The following CNTNAP2 variants were observed in gnomAD, a reference collection of about 807,000 sequenced individuals.
CNTNAP2 encodes the protein contactin associated protein 2.
CNTNAP2 carries 98 observed loss-of-function variants against 155.2 expected under a neutral mutation model. That is an observed-to-expected ratio of 0.63 (90% CI 0.54 to 0.75). The LOEUF (loss-of-function observed/expected upper bound fraction) is 0.75, where lower values mean the gene tolerates loss of function less well. Ranked by LOEUF, CNTNAP2 falls within the 30% of genes least tolerant of loss-of-function variation. CNTNAP2 has a pLI of 0.00. For missense variants in CNTNAP2, 1,727 were observed against 1,688.1 expected (o/e 1.02, Z -0.40); for synonymous variants, 651 against 631.2 (o/e 1.03, Z -0.47).
chr7:146,652,613 A>G (rs1252144849), intron 1 of CNTNAP2, among the ~76,000 whole-genome samples: 1 of 152,150 alleles, frequency 6.6e-6, no homozygotes, highest in East Asian at 1.9e-4. Flanking sequence ...GTATTCTTAA[A>G]GGAAGAGAAA....
At chr7:146,799,141 G>A (rs1802829307) in intron 2 of CNTNAP2, among the ~76,000 whole-genome samples, 1 of 152,166 alleles carries the variant, frequency 6.6e-6, no homozygotes, top group Non-Finnish European at 1.5e-5. Context: ...CTCCTTGTAT[G>A]AAATTAAGTA....
At position 148,419,360 on chromosome 7, in the gene CNTNAP2, C is replaced by T. The variant is rs886062073; in HGVS notation, c.*3744C>T. Reference sequence around the variant, plus strand: ...TGATCCTAAACCAGTGCGAAACAAACAGTAACAATGTCCCCAGCTGACTTC... The same window carrying T: ...TGATCCTAAACCAGTGCGAAACAAATAGTAACAATGTCCCCAGCTGACTTC... On this transcript the variant is annotated 3_prime_UTR_variant, in exon 24 of 24. Coordinates refer to ENST00000361727, the MANE Select transcript of CNTNAP2 (RefSeq NM_014141.6). 2 of 152,216 alleles carry T rather than the reference C, an allele frequency of 1.3e-5. No homozygotes were observed. Among genetic ancestry groups the T allele is most frequent in the East Asian group, 1.9e-4 (1 of 5,202 alleles). 9.4% of individuals were successfully genotyped at this position (152,216 alleles called of 1,614,324 possible).
At chr7:146,818,120 C>T (rs1192257480) in intron 2 of CNTNAP2, among the ~76,000 whole-genome samples, 1 of 151,868 alleles carries the variant, frequency 6.6e-6, no homozygotes, top group African/African-American at 2.4e-5. Context: ...AATTTTCTTT[C>T]TTTTCTATTA....
intron 2 of CNTNAP2, among the ~76,000 whole-genome samples, chr7:146,814,422 G>C (rs1039098235): frequency 9.2e-5 from 14 of 151,890 alleles, no homozygotes; most frequent in African/African-American, 3.4e-4. Context: ...TAAATATTAA[G>C]TTAATGGAAA....
At chr7:147,812,602 G>T (rs542497491) in intron 13 of CNTNAP2, among the ~76,000 whole-genome samples, 1 of 151,238 alleles carries the variant, frequency 6.6e-6, no homozygotes, top group Non-Finnish European at 1.5e-5. Flanking sequence ...CACCCTATCC[G>T]TTCAATATCC....
At chr7:147,467,572 C>T (rs114699104) in intron 10 of CNTNAP2, among the ~76,000 whole-genome samples, 2 of 152,142 alleles carry the variant, frequency 1.3e-5, no homozygotes, top group East Asian at 1.9e-4. Flanking sequence ...TCACCTGTTG[C>T]GTACAATGCT....
chr7:147,679,214 G>A (rs1364872911), intron 13 of CNTNAP2, among the ~76,000 whole-genome samples: 2 of 151,642 alleles, frequency 1.3e-5, no homozygotes, highest in Non-Finnish European at 2.9e-5. Flanking sequence ...TAAGGAAAAA[G>A]CTCTCTGAAA....
intron 16 of CNTNAP2, among the ~76,000 whole-genome samples, chr7:148,125,944 CT>C (rs747132692): frequency 3.3e-5 from 5 of 152,032 alleles, no homozygotes; most frequent in Non-Finnish European, 5.9e-5. Context: ...CTCAAGTGAT[CT>C]GCCTGCCTCC....
At chr7:148,204,809 C>G (rs1795422229) in intron 18 of CNTNAP2, among the ~76,000 whole-genome samples, 1 of 152,122 alleles carries the variant, frequency 6.6e-6, no homozygotes, top group Non-Finnish European at 1.5e-5. Flanking sequence ...AGTGTGGGCT[C>G]TGAAGTTCAG....
intron 15 of CNTNAP2, among the ~76,000 whole-genome samples, chr7:148,112,795 TTA>T (rs1287518293): frequency 6.6e-6 from 1 of 152,058 alleles, no homozygotes; most frequent in Non-Finnish European, 1.5e-5. Flanking sequence ...AATTCTCATC[TTA>T]TATTCAGGAA....
intron 17 of CNTNAP2, among the ~76,000 whole-genome samples, chr7:148,162,854 A>G (rs939404899): frequency 1.5e-4 from 23 of 152,242 alleles, no homozygotes; most frequent in Admixed American, 6.5e-4. Flanking sequence ...TTTTTAATTA[A>G]CCAGGCATGG....
At chr7:148,240,276 T>C (rs563082554) in intron 20 of CNTNAP2, among the ~76,000 whole-genome samples, 8 of 152,330 alleles carry the variant, frequency 5.3e-5, no homozygotes, top group African/African-American at 1.9e-4. Context: ...AAGGAGTTTA[T>C]ATTCTGGGAG....
intron 2 of CNTNAP2, among the ~76,000 whole-genome samples, chr7:146,839,223 G>T (rs968485948): frequency 1.3e-5 from 2 of 151,566 alleles, no homozygotes; most frequent in Non-Finnish European, 2.9e-5. Context: ...TGTAAGATTA[G>T]GTTCATTTTA....
At chr7:147,296,073 G>C (rs899280704) in intron 8 of CNTNAP2, among the ~76,000 whole-genome samples, 2 of 152,094 alleles carry the variant, frequency 1.3e-5, no homozygotes, top group Non-Finnish European at 2.9e-5. Flanking sequence ...TCTCTGAAAG[G>C]CTTTCTTGTT....
intron 16 of CNTNAP2, among the ~76,000 whole-genome samples, chr7:148,121,866 T>A (rs1804602650): frequency 6.6e-6 from 1 of 152,200 alleles, no homozygotes; most frequent in South Asian, 2.1e-4. Context: ...TTACTATTCA[T>A]ATTTATTCAT....
intron 4 of CNTNAP2, among the ~76,000 whole-genome samples, chr7:147,080,543 A>ATGATATC (rs1444066476): frequency 2.6e-5 from 4 of 151,666 alleles, no homozygotes; most frequent in Non-Finnish European, 5.9e-5. Flanking sequence ...CAAAAGGCCA[A>ATGATATC]TGATATCCAT....
chr7:147,371,826 T>C (rs972642196), intron 9 of CNTNAP2, among the ~76,000 whole-genome samples: 3 of 152,144 alleles, frequency 2.0e-5, no homozygotes, highest in African/African-American at 7.2e-5. Flanking sequence ...CATTTTGTTA[T>C]GCATTTTAAT....
intron 1 of CNTNAP2, among the ~76,000 whole-genome samples, chr7:146,706,803 A>G (rs928012114): frequency 4.5e-4 from 68 of 152,198 alleles, no homozygotes; most frequent in African/African-American, 1.6e-3. Flanking sequence ...GATCAGGAAA[A>G]ATAACTAATA....
At chr7:147,125,907 G>A (rs1211087557) in intron 6 of CNTNAP2, among the ~76,000 whole-genome samples, 1 of 152,142 alleles carries the variant, frequency 6.6e-6, no homozygotes, top group East Asian at 1.9e-4. Context: ...GAGGCAAATG[G>A]CTGCTCCACG....
Sources: gnomAD v4.1 joint callset for allele counts (sites outside exome capture counted in the v4.1 genomes callset) on GRCh38, gnomAD v4.1.1 for gene constraint, MANE v1.5 for transcripts, NCBI Gene and HGNC (gene_info 2026-07-23, HGNC 2026-07-21) for gene names.